Variants in COLEC10 observed in about 807,000 individuals in gnomAD.
COLEC10 encodes collectin subfamily member 10, also known as collectin-10.
COLEC10 carries 22 observed loss-of-function variants against 28.4 expected under a neutral mutation model. That is an observed-to-expected ratio of 0.78 (90% confidence interval 0.55 to 1.11). The LOEUF is 1.11. Ranked by LOEUF, COLEC10 falls within the 50% of genes least tolerant of loss-of-function variation. COLEC10 has a pLI of 0.00. For missense variants in COLEC10, 361 were observed against 344.1 expected (o/e 1.05, Z -0.39); for synonymous variants, 125 against 116.1 (o/e 1.08, Z -0.49).
the COLEC10 span, among the ~76,000 whole-genome samples, chr8:118,954,094 T>A: frequency 0.16 from 25,067 of 152,234 alleles, 2,122 homozygotes; most frequent in African/African-American, 0.22. Flanking sequence ...CAGGAACTAC[T>A]TATTTTTCTA....
intron 1 of COLEC10, among the ~76,000 whole-genome samples, chr8:119,075,627 G>A (rs534650035): frequency 6.6e-6 from 1 of 152,074 alleles, no homozygotes; most frequent in Non-Finnish European, 1.5e-5. Flanking sequence ...ATTTACAAAG[G>A]TTAATCCATT....
chr8:119,029,131 G>A (rs1191891574), intron 2 of COLEC10, among the ~76,000 whole-genome samples: 1 of 152,132 alleles, frequency 6.6e-6, no homozygotes, highest in Non-Finnish European at 1.5e-5. Flanking sequence ...CAGTGGTTCA[G>A]AGCACAGGGT....
the COLEC10 span, among the ~76,000 whole-genome samples, chr8:118,979,536 C>T: frequency 6.6e-6 from 1 of 151,290 alleles, no homozygotes; most frequent in African/African-American, 2.4e-5. Context: ...AGTTTTTTTT[C>T]AAATTACTCT....
intron 2 of COLEC10, among the ~76,000 whole-genome samples, chr8:119,053,443 A>T (rs901815153): frequency 6.6e-6 from 1 of 152,130 alleles, no homozygotes; most frequent in South Asian, 2.1e-4. Flanking sequence ...TGAGTACCCG[A>T]AGGTGTCTGG....
At chr8:118,975,037 T>C in the COLEC10 span, among the ~76,000 whole-genome samples, 2 of 152,000 alleles carry the variant, frequency 1.3e-5, no homozygotes, top group African/African-American at 4.8e-5. Flanking sequence ...AGCTACTTAA[T>C]AAAGCCTAAA....
the COLEC10 span, among the ~76,000 whole-genome samples, chr8:118,969,530 G>A: frequency 6.6e-6 from 1 of 151,900 alleles, no homozygotes; most frequent in Non-Finnish European, 1.5e-5. Flanking sequence ...GCCTTTTTCT[G>A]AATCTTTCCT....
chr8:119,088,057 G>A (rs1333435335), intron 1 of COLEC10, among the ~76,000 whole-genome samples: 1 of 151,932 alleles, frequency 6.6e-6, no homozygotes, highest in Non-Finnish European at 1.5e-5. Flanking sequence ...AGTCCAGGAG[G>A]TTAAGGCTGC....
rs115116914 is a variant in COLEC10 at position 119,003,915 on chromosome 8, G to T, written n.123-5526G>T. Among the ~76,000 whole-genome samples, 1,226 of 152,126 alleles carry T rather than the reference G, an allele frequency of 8.1e-3. 10 individuals carry two copies. The highest frequency in any genetic ancestry group is 0.028 in the African/African-American group (1,154 of 41,530). On this transcript the variant is annotated intron_variant and non_coding_transcript_variant, in intron 1 of 6. Coordinates refer to the COLEC10 transcript ENST00000521788. ...ATACTAAATTGCCTAGCCTCTTGAAGGGCTCAATATCCCAGTGCATTTATA... is the reference window on the plus strand; with the variant it reads ...ATACTAAATTGCCTAGCCTCTTGAATGGCTCAATATCCCAGTGCATTTATA...
the COLEC10 span, among the ~76,000 whole-genome samples, chr8:118,966,923 G>A: frequency 6.6e-6 from 1 of 152,018 alleles, no homozygotes; most frequent in Non-Finnish European, 1.5e-5. Flanking sequence ...TATTTCTATT[G>A]TAAATCAGTC....
intron 2 of COLEC10, among the ~76,000 whole-genome samples, chr8:119,026,283 G>A (rs755303141): frequency 3.3e-5 from 5 of 152,152 alleles, no homozygotes; most frequent in Non-Finnish European, 7.4e-5. Flanking sequence ...GCCAGTCATG[G>A]TGGCTCATGC....
the COLEC10 span, among the ~76,000 whole-genome samples, chr8:118,956,913 C>T: frequency 2.0e-5 from 3 of 152,182 alleles, no homozygotes; most frequent in East Asian, 5.8e-4. Flanking sequence ...TTGGGAAAGT[C>T]CCCAACTGGA....
the COLEC10 span, among the ~76,000 whole-genome samples, chr8:118,958,580 G>T: frequency 3.9e-5 from 6 of 151,922 alleles, no homozygotes; most frequent in East Asian, 9.6e-4. Flanking sequence ...TGGGTCTTCT[G>T]CCCAGGAAAA....
intron 2 of COLEC10, among the ~76,000 whole-genome samples, chr8:119,053,341 G>A (rs895042205): frequency 6.6e-6 from 1 of 152,040 alleles, no homozygotes; most frequent in Non-Finnish European, 1.5e-5. Flanking sequence ...TCTTAGTAAG[G>A]GCAATACGCT....
At chr8:119,073,217 T>C (rs1170877691) in intron 1 of COLEC10, among the ~76,000 whole-genome samples, 2 of 152,224 alleles carry the variant, frequency 1.3e-5, no homozygotes, top group Non-Finnish European at 2.9e-5. Flanking sequence ...AGAAATCAGA[T>C]TCCAGATTTT....
intron 2 of COLEC10, among the ~76,000 whole-genome samples, chr8:119,056,348 A>T (rs1221003550): frequency 6.6e-6 from 1 of 152,072 alleles, no homozygotes; most frequent in Admixed American, 6.6e-5. Context: ...AGTTCTGGAC[A>T]ACGAGATGAA....
chr8:118,986,430 C>T, the COLEC10 span, among the ~76,000 whole-genome samples: 9 of 152,054 alleles, frequency 5.9e-5, no homozygotes, highest in Non-Finnish European at 1.0e-4. Context: ...AGAAGAAAAC[C>T]AACGTCCAAC....
chr8:119,007,845 C>G (rs1214017711), intron 1 of COLEC10, among the ~76,000 whole-genome samples: 1 of 150,882 alleles, frequency 6.6e-6, no homozygotes, highest in Non-Finnish European at 1.5e-5. Context: ...ATTACTTAAT[C>G]TGGCTCAGGG....
chr8:119,055,610 A>G (rs563909954), intron 2 of COLEC10, among the ~76,000 whole-genome samples: 9 of 152,222 alleles, frequency 5.9e-5, no homozygotes, highest in Non-Finnish European at 7.4e-5. Context: ...CACATATTCA[A>G]TTTAATCAGC....
chr8:118,975,539 C>T, the COLEC10 span, among the ~76,000 whole-genome samples: 1,234 of 152,026 alleles, frequency 8.1e-3, 10 homozygotes, highest in African/African-American at 0.028. Flanking sequence ...TGAATTATTT[C>T]GACACTCTTT....
Sources: gnomAD v4.1 joint callset for allele counts (sites outside exome capture counted in the v4.1 genomes callset) on GRCh38, gnomAD v4.1.1 for gene constraint, MANE v1.5 for transcripts, NCBI Gene and HGNC (gene_info 2026-07-23, HGNC 2026-07-21) for gene names.